Variants in ADCY8 observed in about 807,000 individuals in gnomAD.
The protein encoded by ADCY8 is adenylate cyclase type 8.
Under a neutral mutation model 119.7 loss-of-function variants are expected in ADCY8, and 51 were observed. The observed-to-expected ratio is 0.43, with a 90% CI of 0.34 to 0.54. The LOEUF (loss-of-function observed/expected upper bound fraction) is 0.54, where lower values mean the gene tolerates loss of function less well. Among genes scored for constraint, ADCY8 ranks in the 20% least tolerant of loss-of-function variants. The pLI is 0.03. For synonymous variants in ADCY8, 665 were observed against 651.0 expected, an observed-to-expected ratio of 1.02 and a Z score of -0.33; for missense variants, 1,383 against 1,598.8, an observed-to-expected ratio of 0.87 and a Z score of 2.30.
chr8:130,780,892 A>G lies in ADCY8; in HGVS notation c.3269-15T>C. 1 of 1,610,934 alleles carries G rather than the reference A, an allele frequency of 6.2e-7. No individual in the cohort carries two copies. Among genetic ancestry groups the G allele is most frequent in the Non-Finnish European group, 8.5e-7 (1 of 1,177,612 alleles). On this transcript the variant is annotated splice_polypyrimidine_tract_variant and intron_variant, in intron 17 of 17. Coordinates refer to ENST00000286355, the MANE Select transcript of ADCY8 (RefSeq NM_001115.3). ...GTGGCTGATGCCTGGGGGGTGAAGC[A>G]AAGGAGCAAGAAGTCAGAGGGAGAA...
chr8:130,933,122 A>G (rs765129170), intron 5 of ADCY8, among the ~76,000 whole-genome samples: 9 of 152,228 alleles, frequency 5.9e-5, no homozygotes, highest in Non-Finnish European at 1.2e-4. Flanking sequence ...TGAAAGGGAA[A>G]GACAAAACCT....
chr8:130,996,366 G>T (rs1297366783), intron 1 of ADCY8, among the ~76,000 whole-genome samples: 1 of 152,046 alleles, frequency 6.6e-6, no homozygotes, highest in Non-Finnish European at 1.5e-5. Flanking sequence ...GAACACATGA[G>T]TTAGACTATC....
chr8:130,797,894 G>T (rs1815636411), intron 15 of ADCY8, among the ~76,000 whole-genome samples: 1 of 152,192 alleles, frequency 6.6e-6, no homozygotes, highest in African/African-American at 2.4e-5. Context: ...ACCATGAAAT[G>T]CCAGGTAAGT....
chr8:130,856,768 C>G (rs1032076256), intron 9 of ADCY8, among the ~76,000 whole-genome samples: 19 of 152,008 alleles, frequency 1.2e-4, no homozygotes, highest in African/African-American at 3.9e-4. Flanking sequence ...TTCCTTATGT[C>G]TTAGTCTCAT....
intron 1 of ADCY8, among the ~76,000 whole-genome samples, chr8:131,009,215 G>C (rs1044813088): frequency 2.6e-5 from 4 of 152,178 alleles, no homozygotes; most frequent in African/African-American, 9.6e-5. Flanking sequence ...CCCATCACAG[G>C]CCTGGAGGCC....
At chr8:130,825,743 C>G (rs1303161674) in intron 12 of ADCY8, among the ~76,000 whole-genome samples, 1 of 152,194 alleles carries the variant, frequency 6.6e-6, no homozygotes, top group Non-Finnish European at 1.5e-5. Flanking sequence ...AAGAATGTGG[C>G]TAACCTCTTC....
intron 1 of ADCY8, among the ~76,000 whole-genome samples, chr8:131,021,052 G>T (rs918113368): frequency 6.6e-6 from 1 of 152,132 alleles, no homozygotes; most frequent in Non-Finnish European, 1.5e-5. Context: ...TAAGATAGAA[G>T]AATTGCAATT....
intron 8 of ADCY8, among the ~76,000 whole-genome samples, chr8:130,874,778 C>T (rs1448969162): frequency 6.6e-6 from 1 of 152,108 alleles, no homozygotes; most frequent in African/African-American, 2.4e-5. Flanking sequence ...ACCTTCCATA[C>T]CACCATTCTT....
intron 14 of ADCY8, among the ~76,000 whole-genome samples, chr8:130,804,646 A>C (rs1815886634): frequency 6.6e-6 from 1 of 152,204 alleles, no homozygotes; most frequent in Non-Finnish European, 1.5e-5. Context: ...ATGCCCTGTG[A>C]TGTAAATGTC....
chr8:130,965,610 C>G (rs1310282552), intron 2 of ADCY8, among the ~76,000 whole-genome samples: 2 of 152,282 alleles, frequency 1.3e-5, no homozygotes, highest in Admixed American at 6.5e-5. Context: ...AATAGCTGCT[C>G]TACTTACTAG....
chr8:130,983,416 T>A (rs765046382), intron 2 of ADCY8, among the ~76,000 whole-genome samples: 2 of 151,976 alleles, frequency 1.3e-5, no homozygotes, highest in Non-Finnish European at 2.9e-5. Context: ...GGGTAATGAG[T>A]CTGTTGATGA....
At chr8:131,036,658 A>C (rs1824165119) in intron 1 of ADCY8, among the ~76,000 whole-genome samples, 1 of 152,300 alleles carries the variant, frequency 6.6e-6, no homozygotes, top group East Asian at 1.9e-4. Context: ...AAAATGAAAC[A>C]AGTCGTTTAC....
chr8:130,986,710 G>C (rs1185508270), intron 2 of ADCY8, among the ~76,000 whole-genome samples: 1 of 152,208 alleles, frequency 6.6e-6, no homozygotes. Flanking sequence ...TTTGGGGAAA[G>C]AGACATGCAA....
intron 9 of ADCY8, among the ~76,000 whole-genome samples, chr8:130,852,830 A>C (rs1014998883): frequency 1.3e-5 from 2 of 152,080 alleles, no homozygotes; most frequent in Non-Finnish European, 2.9e-5. Flanking sequence ...CCTTATGGGC[A>C]CTTAACATGG....
chr8:131,026,973 A>G (rs768884636), intron 1 of ADCY8, among the ~76,000 whole-genome samples: 1 of 152,150 alleles, frequency 6.6e-6, no homozygotes, highest in Non-Finnish European at 1.5e-5. Context: ...AAAATGAAAA[A>G]ATTGCAGATC....
intron 1 of ADCY8, among the ~76,000 whole-genome samples, chr8:131,019,763 T>C (rs1393148774): frequency 1.3e-5 from 2 of 151,878 alleles, no homozygotes; most frequent in East Asian, 3.9e-4. Context: ...GCTCTTACTA[T>C]CTGCTGGGAA....
chr8:130,830,900 C>G (rs1045203133), intron 12 of ADCY8, among the ~76,000 whole-genome samples: 3 of 152,196 alleles, frequency 2.0e-5, no homozygotes, highest in South Asian at 2.1e-4. Context: ...TTAATGCATT[C>G]CAGTATTTTG....
intron 11 of ADCY8, among the ~76,000 whole-genome samples, chr8:130,846,543 C>T (rs1333213623): frequency 8.4e-6 from 1 of 118,352 alleles, no homozygotes; most frequent in East Asian, 2.7e-4. Context: ...TTCCTTCCTT[C>T]CTTCATTCCT....
chr8:130,954,918 A>G (rs1167959151), intron 2 of ADCY8, among the ~76,000 whole-genome samples: 1 of 152,232 alleles, frequency 6.6e-6, no homozygotes. Flanking sequence ...GCCTCCGAGG[A>G]GGAAAGAACC....
Sources: gnomAD v4.1 joint callset for allele counts (sites outside exome capture counted in the v4.1 genomes callset) on GRCh38, gnomAD v4.1.1 for gene constraint, MANE v1.5 for transcripts, NCBI Gene and HGNC (gene_info 2026-07-23, HGNC 2026-07-21) for gene names.